The following USH2A variants were observed in gnomAD, a reference collection of about 807,000 sequenced individuals.
USH2A encodes Usher syndrome 2A (autosomal recessive, mild).
USH2A carries 443 observed loss-of-function variants against 538.9 expected under a neutral mutation model. The ratio of observed to expected loss-of-function variants is 0.82; its 90% CI spans 0.76 to 0.89. The LOEUF (loss-of-function observed/expected upper bound fraction) is 0.89, where lower values mean the gene tolerates loss of function less well. Ranked by LOEUF, USH2A falls within the 40% of genes least tolerant of loss-of-function variation. The pLI is 0.00. For missense variants in USH2A, 6,633 were observed against 6,324.8 expected (o/e 1.05, Z -1.65); for synonymous variants, 2,413 against 2,273.5 (o/e 1.06, Z -1.75).
intron 11 of USH2A, among the ~76,000 whole-genome samples, chr1:216,278,277 T>G (rs188844338): frequency 6.5e-4 from 99 of 152,306 alleles, no homozygotes; most frequent in African/African-American, 2.4e-3. Context: ...CAACATAAAC[T>G]GGAGGCTAAG....
intron 50 of USH2A, among the ~76,000 whole-genome samples, chr1:215,798,403 T>C (rs1419209124): frequency 3.3e-5 from 5 of 152,200 alleles, no homozygotes; most frequent in African/African-American, 1.2e-4. Flanking sequence ...TTCTTCATTT[T>C]TAAAATGCAG....
chr1:216,358,924 C>T (rs956915471), intron 4 of USH2A, among the ~76,000 whole-genome samples: 8 of 152,018 alleles, frequency 5.3e-5, no homozygotes, highest in Admixed American at 3.3e-4. Flanking sequence ...CCATTTTAAC[C>T]CTGCAGTGCA....
chr1:215,918,822 A>T (rs1175063098), intron 38 of USH2A, among the ~76,000 whole-genome samples: 3 of 152,102 alleles, frequency 2.0e-5, no homozygotes, highest in Non-Finnish European at 4.4e-5. Context: ...GAAAATTTGT[A>T]ATCAGGCTAT....
At chr1:215,824,271 T>C (rs1383245425) in intron 47 of USH2A, among the ~76,000 whole-genome samples, 1 of 152,174 alleles carries the variant, frequency 6.6e-6, no homozygotes, top group Non-Finnish European at 1.5e-5. Context: ...GAAGGATTAG[T>C]TATTTATTGC....
At chr1:216,389,541 AT>A (rs2039065099) in intron 3 of USH2A, among the ~76,000 whole-genome samples, 2 of 152,132 alleles carry the variant, frequency 1.3e-5, no homozygotes, top group South Asian at 4.1e-4. Flanking sequence ...TGAACTTTAT[AT>A]TTAAGTAGAA....
chr1:216,267,722 T>C (rs1037339918), intron 11 of USH2A, among the ~76,000 whole-genome samples: 1 of 152,136 alleles, frequency 6.6e-6, no homozygotes, highest in Non-Finnish European at 1.5e-5. Flanking sequence ...ACCTCTGTCA[T>C]TCAATTCCTT....
At chr1:215,693,961 TATTCAGTAAAG>T (rs1490629380) in intron 61 of USH2A, among the ~76,000 whole-genome samples, 7 of 152,232 alleles carry the variant, frequency 4.6e-5, no homozygotes, top group African/African-American at 7.2e-5. Context: ...TTTGAACTTT[TATTCAGTAAAG>T]AAAGGGCTGC....
At chr1:215,978,235 G>A (rs995037961) in intron 35 of USH2A, among the ~76,000 whole-genome samples, 5 of 152,156 alleles carry the variant, frequency 3.3e-5, no homozygotes, top group African/African-American at 1.2e-4. Flanking sequence ...AATAAGAATT[G>A]TTGTTGTCAT....
chr1:215,739,525 T>G (rs12741629), intron 60 of USH2A, among the ~76,000 whole-genome samples: 5 of 152,054 alleles, frequency 3.3e-5, no homozygotes, highest in Admixed American at 6.6e-5. Context: ...GATGTGCTTT[T>G]CTCATGCAAT....
chr1:215,723,385 C>T (rs1000745960), intron 61 of USH2A, among the ~76,000 whole-genome samples: 1 of 152,190 alleles, frequency 6.6e-6, no homozygotes, highest in African/African-American at 2.4e-5. Flanking sequence ...ACTGCCACCA[C>T]AAGCAGAATT....
intron 47 of USH2A, among the ~76,000 whole-genome samples, chr1:215,836,509 TATATATATA>T (rs1395930797): frequency 1.3e-4 from 4 of 31,228 alleles, no homozygotes; most frequent in African/African-American, 4.7e-4. Flanking sequence ...ATATATATTA[TATATATATA>T]ATATATATTA....
chr1:216,166,363 C>T (rs2034169862), intron 21 of USH2A, among the ~76,000 whole-genome samples: 1 of 151,950 alleles, frequency 6.6e-6, no homozygotes, highest in African/African-American at 2.4e-5. Context: ...GTATACCAGT[C>T]CTTGGTGGGA....
chr1:215,704,167 G>A (rs1306615911), intron 61 of USH2A, among the ~76,000 whole-genome samples: 1 of 152,184 alleles, frequency 6.6e-6, no homozygotes, highest in Non-Finnish European at 1.5e-5. Flanking sequence ...GTCCCAGTGG[G>A]ATGAACCGGG....
chr1:216,365,009 C>T lies in USH2A; in HGVS notation c.728G>A (p.Ser243Asn), dbSNP rs906770249. The T allele has an allele frequency of 2.5e-6, 4 of 1,613,594 alleles. No individual in the cohort carries two copies. In the African/African-American group the frequency reaches 5.3e-5, roughly 22 times the overall value. The change falls in exon 4 of 72, where the codon AGT becomes AAT. Residue 243 changes from serine to asparagine, a missense_variant. Ser to Asn is a conservative substitution (Grantham distance 46). Transcript: ENST00000307340. ...AGATGCAAAATCTGTAATTGAACCA[C>T]TTAGAGTTCTTGCATTGAAAGGTGT... The part of the protein sequence containing the change: ...DHTPFNARTL[S>N]GSITDFASGT...
intron 11 of USH2A, among the ~76,000 whole-genome samples, chr1:216,282,118 T>C (rs1182425916): frequency 6.6e-6 from 1 of 152,148 alleles, no homozygotes; most frequent in African/African-American, 2.4e-5. Context: ...ATCAGATATA[T>C]GCTGTGCAAA....
chr1:216,190,218 C>T lies in USH2A; in HGVS notation c.4396+5G>A, dbSNP rs1436078367. ...GATTTTTCATATCCATTAAAACTTG[C>T]TTACCTGCTGCTAAAGTTTGTCCTG... On this transcript the variant is annotated splice_donor_5th_base_variant and intron_variant, in intron 20 of 71. Coordinates refer to ENST00000307340, the MANE Select transcript of USH2A (RefSeq NM_206933.4). 4 of 1,611,826 alleles carry T rather than the reference C, an allele frequency of 2.5e-6. No individual in the cohort carries two copies. Among genetic ancestry groups the T allele is most frequent in the South Asian group, 1.1e-5 (1 of 91,062 alleles).
chr1:215,927,249 G>C (rs1252720642), intron 38 of USH2A, among the ~76,000 whole-genome samples: 2 of 151,902 alleles, frequency 1.3e-5, no homozygotes, highest in African/African-American at 2.4e-5. Context: ...AAAAGACTTA[G>C]GATATTACAA....
intron 2 of USH2A, among the ~76,000 whole-genome samples, chr1:216,419,850 T>A (rs1479983292): frequency 2.0e-5 from 3 of 152,124 alleles, no homozygotes; most frequent in African/African-American, 7.2e-5. Flanking sequence ...CACTTGCATC[T>A]ATCACTTGCA....
At chr1:216,309,222 T>C (rs565324445) in intron 9 of USH2A, among the ~76,000 whole-genome samples, 38 of 152,330 alleles carry the variant, frequency 2.5e-4, no homozygotes, top group Admixed American at 2.2e-3. Context: ...CAAGCAACAC[T>C]AATGTGTCTT....
Sources: gnomAD v4.1 joint callset for allele counts (sites outside exome capture counted in the v4.1 genomes callset) on GRCh38, gnomAD v4.1.1 for gene constraint, MANE v1.5 for transcripts, NCBI Gene and HGNC (gene_info 2026-07-23, HGNC 2026-07-21) for gene names.